Variants in CAMSAP1 observed in about 807,000 individuals in gnomAD.
CAMSAP1 encodes calmodulin regulated spectrin associated protein 1.
CAMSAP1 carries 58 observed loss-of-function variants against 143.5 expected under a neutral mutation model. The ratio of observed to expected loss-of-function variants is 0.40; its 90% CI spans 0.33 to 0.50. The LOEUF is 0.50. Among genes scored for constraint, CAMSAP1 ranks in the 20% least tolerant of loss-of-function variants. The probability of loss-of-function intolerance (pLI) is 0.45; values close to 1 mark genes in which losing one functional copy is unlikely to be tolerated. For missense variants in CAMSAP1, 1,969 were observed against 2,115.7 expected, an observed-to-expected ratio of 0.93 and a Z score of 1.36; for synonymous variants, 945 against 859.3, an observed-to-expected ratio of 1.10 and a Z score of -1.74.
rs1194650662 is a variant in CAMSAP1 at position 135,822,147 on chromosome 9, C to T, written c.2514G>A (p.Gln838=). ...CETKSSTSSS[Q]KTTPDASESC... ...TCTCAGACGCATCTGGCGTGGTCTT[C>T]TGGGAGCTGCTGGTGCTGGACTTGG... Residue 838 remains glutamine, a synonymous_variant, in exon 11 of 17, where the codon CAG becomes CAA. Transcript: ENST00000389532. The surrounding 1 kb of genome is among the most constrained non-coding windows in gnomAD (Gnocchi z 6.1). 6.2e-7 allele frequency: 1 copy of T among 1,613,466 alleles called. No individual in the cohort carries two copies. The highest frequency in any genetic ancestry group is 1.7e-5 in the Admixed American group (1 of 60,026).
At chr9:135,874,377 CAGA>C (rs1285167122) in intron 3 of CAMSAP1, among the ~76,000 whole-genome samples, 2 of 141,388 alleles carry the variant, frequency 1.4e-5, no homozygotes, top group Admixed American at 1.6e-4. Flanking sequence ...CAGGCTGAGG[CAGA>C]AGGATTGCTT....
intron 7 of CAMSAP1, among the ~76,000 whole-genome samples, chr9:135,838,449 G>A (rs1490624637): frequency 1.6e-5 from 2 of 126,402 alleles, no homozygotes; most frequent in African/African-American, 3.1e-5. Flanking sequence ...ACATCATCAC[G>A]CACTTTCCAC....
intron 7 of CAMSAP1, among the ~76,000 whole-genome samples, chr9:135,835,879 T>C (rs1236171599): frequency 2.0e-5 from 3 of 151,934 alleles, no homozygotes; most frequent in Non-Finnish European, 2.9e-5. Context: ...ACTTGGGAGA[T>C]TGAGGCAGGA....
intron 4 of CAMSAP1, chr9:135,865,195 A>T (rs568418179): frequency 2.5e-6 from 2 of 813,162 alleles, no homozygotes; most frequent in Non-Finnish European, 4.0e-6. Flanking sequence ...CTTGTACTAT[A>T]TAAATAACTC....
chr9:135,840,223 G>A (rs564045252), intron 7 of CAMSAP1, among the ~76,000 whole-genome samples: 1 of 152,186 alleles, frequency 6.6e-6, no homozygotes, highest in Non-Finnish European at 1.5e-5. Context: ...AGGACCCACT[G>A]CACAGGGCCC....
Position 135,820,016 on chromosome 9 carries a change from G to A in CAMSAP1, c.3822+823C>T, listed in dbSNP as rs1034697233. Among the ~76,000 whole-genome samples the A allele has an allele frequency of 4.6e-5, 7 of 152,156 alleles. No homozygotes were observed. The highest frequency in any genetic ancestry group is 1.2e-4 in the African/African-American group (5 of 41,420). On this transcript the variant is annotated intron_variant, in intron 11 of 16. Transcript: ENST00000389532. This position sits in a 1 kb window ranked among gnomAD's most constrained non-coding sequence, Gnocchi z 4.4. ...GGCAAAGCAGAAACAGTTGCGTGTC[G>A]CTTGCCGAGAGAAAACGTTCTGAGA...
intron 4 of CAMSAP1, among the ~76,000 whole-genome samples, chr9:135,864,872 C>T (rs1470346865): frequency 6.6e-6 from 1 of 152,192 alleles, no homozygotes; most frequent in Non-Finnish European, 1.5e-5. Context: ...GGTGAGAGCC[C>T]CTCTCTGCAG....
chr9:135,865,253 C>T (rs984493443), intron 4 of CAMSAP1: 62 of 1,382,704 alleles, frequency 4.5e-5, no homozygotes, highest in African/African-American at 3.9e-4. Context: ...GTTTTGGGTG[C>T]GAGCAGTTTT....
rs548915815 is a variant in CAMSAP1 at position 135,831,824 on chromosome 9, T to C, written c.1046-4240A>G. On this transcript the variant is annotated intron_variant, in intron 7 of 16. Coordinates refer to ENST00000389532, the MANE Select transcript of CAMSAP1 (RefSeq NM_015447.4). ...CAAGGGCCTATTACAAACACTTATA[T>C]GCCAACAAACTGAATAATGCAGAAG... Among the ~76,000 whole-genome samples the C allele has an allele frequency of 6.6e-5, 10 of 152,234 alleles. No individual in the cohort carries two copies. The East Asian group carries it at 1.2e-3, about 18-fold the overall frequency.
intron 1 of CAMSAP1, among the ~76,000 whole-genome samples, chr9:135,890,919 C>A (rs1838270529): frequency 6.6e-6 from 1 of 152,202 alleles, no homozygotes; most frequent in Non-Finnish European, 1.5e-5. Context: ...CTCTCTCCCG[C>A]TGACAACAGC....
intron 7 of CAMSAP1, among the ~76,000 whole-genome samples, chr9:135,838,153 ACGT>A (rs1836173832): frequency 6.6e-6 from 1 of 150,702 alleles, no homozygotes; most frequent in African/African-American, 2.4e-5. Flanking sequence ...CTACAGACAC[ACGT>A]CATCACGCAC....
chr9:135,849,691 T>C (rs1836703519), intron 7 of CAMSAP1, among the ~76,000 whole-genome samples: 1 of 152,202 alleles, frequency 6.6e-6, no homozygotes, highest in Admixed American at 6.5e-5. Context: ...AGGTCCAAAC[T>C]TTAATGTTGC....
At chr9:135,870,477 A>G (rs528707970) in intron 3 of CAMSAP1, among the ~76,000 whole-genome samples, 57 of 152,232 alleles carry the variant, frequency 3.7e-4, no homozygotes, top group African/African-American at 1.3e-3. Context: ...AGATTAATAC[A>G]ACACCCTTAT....
intron 5 of CAMSAP1, among the ~76,000 whole-genome samples, chr9:135,856,416 TC>T (rs1836973967): frequency 6.6e-6 from 1 of 151,910 alleles, no homozygotes; most frequent in African/African-American, 2.4e-5. Flanking sequence ...TCCCACCAGG[TC>T]CCTCCCACAG....
In CAMSAP1 at chr9:135,821,619, A is replaced by G. The variant is rs1564419816; in HGVS notation, c.3042T>C (p.Val1014=). The G allele has an allele frequency of 1.7e-5, 28 of 1,613,850 alleles. No homozygotes were observed. The highest frequency in any genetic ancestry group is 4.0e-5 in the African/African-American group (3 of 74,922). The change falls in exon 11 of 17, where the codon GTT becomes GTC. Residue 1014 remains valine (V), a synonymous_variant. Transcript: ENST00000389532. The surrounding 1 kb of genome is among the most constrained non-coding windows in gnomAD (Gnocchi z 4.6). ...AALLEDTVGE[V]VDVNECDLSI... is the part of the protein sequence containing the mutation. ...AAAGGTCACATTCATTCACGTCGAC[A>G]ACCTCCCCAACAGTGTCCTCCAGGA...
intron 1 of CAMSAP1, among the ~76,000 whole-genome samples, chr9:135,903,446 A>C (rs1399074792): frequency 1.3e-5 from 2 of 152,274 alleles, no homozygotes; most frequent in Admixed American, 6.5e-5. Flanking sequence ...TGGCCCCAGG[A>C]ACGAATGAAA....
intron 7 of CAMSAP1, among the ~76,000 whole-genome samples, chr9:135,831,117 A>G (rs908340768): frequency 8.5e-5 from 13 of 152,216 alleles, no homozygotes; most frequent in Non-Finnish European, 1.8e-4. Context: ...GGCTGCAGTG[A>G]GCCGAGATCG....
intron 1 of CAMSAP1, among the ~76,000 whole-genome samples, chr9:135,883,876 C>A (rs1173260247): frequency 6.6e-6 from 1 of 152,182 alleles, no homozygotes; most frequent in African/African-American, 2.4e-5. Context: ...ATCCAGAGAG[C>A]CTACTGTATA....
In CAMSAP1 at chr9:135,888,609, G is replaced by A. The variant is rs116373566; in HGVS notation, c.161-5531C>T. Among the ~76,000 whole-genome samples, 797 of 152,300 alleles carry A rather than the reference G, an allele frequency of 5.2e-3. 6 individuals carry two copies. The highest frequency in any genetic ancestry group is 0.018 in the African/African-American group (755 of 41,556). On this transcript the variant is annotated intron_variant, in intron 1 of 16. Transcript: ENST00000389532. ...AGACCAGCTCTCCCAGAATGTCCCC[G>A]TGGGCGGCCTGGCTATCTGCATTTG...
Sources: gnomAD v4.1 joint callset for allele counts (sites outside exome capture counted in the v4.1 genomes callset) on GRCh38, gnomAD v4.1.1 for gene constraint, Gnocchi (gnomAD v3.1) non-coding constraint, MANE v1.5 for transcripts, NCBI Gene and HGNC (gene_info 2026-07-23, HGNC 2026-07-21) for gene names.